RBM41: variants seen among roughly 807,000 people sequenced by gnomAD.
RBM41 encodes RNA binding motif protein 41.
RBM41 carries 14 observed loss-of-function variants against 30.8 expected under a neutral mutation model. That is an observed-to-expected ratio of 0.45 (90% CI 0.30 to 0.71). RBM41 has a LOEUF of 0.71. Ranked by LOEUF, RBM41 falls within the 30% of genes least tolerant of loss-of-function variation. The pLI is 0.08. For synonymous variants in RBM41, 120 were observed against 110.1 expected (o/e 1.09, Z -0.56); for missense variants, 276 against 326.3 (o/e 0.85, Z 1.19).
At chrX:107,114,142 C>CT (rs1308172043) in intron 4 of RBM41, among the ~76,000 whole-genome samples, 5 of 110,626 alleles carry the variant, frequency 4.5e-5, no homozygotes, top group Admixed American at 3.8e-4. Flanking sequence ...CTGCATTGAC[C>CT]TCCCTCCTTC....
In RBM41 at chrX:107,067,426, T is replaced by C; in HGVS notation, c.*101A>G. On this transcript the variant is annotated 3_prime_UTR_variant, in exon 8 of 8. Transcript: ENST00000685964. Reference sequence around the variant, plus strand: ...CTTTTTTCCCCTCCCTCAGTTAGTTTTTCCTCTTCAACTCCAAACAAACTG... The same window carrying C: ...CTTTTTTCCCCTCCCTCAGTTAGTTCTTCCTCTTCAACTCCAAACAAACTG... The C allele has an allele frequency of 9.1e-7, 1 of 1,098,212 alleles. No homozygotes were observed. Among genetic ancestry groups the C allele is most frequent in the South Asian group, 2.8e-5 (1 of 36,326 alleles). 90.5% of individuals were successfully genotyped at this position (1,098,212 alleles called of 1,213,427 possible). A position where few individuals can be genotyped will look rare whatever the true frequency, so the allele number is the denominator to read the frequency against.
rs1269079243 is a variant in RBM41, at chrX:107,063,139, A to G, written c.*4388T>C. Reference sequence around the variant, plus strand: ...AGTTGTGAAATCACCACCACGACCAATTTTAGAACACTTTCATCAACCTCT... The same window carrying G: ...AGTTGTGAAATCACCACCACGACCAGTTTTAGAACACTTTCATCAACCTCT... On this transcript the variant is annotated 3_prime_UTR_variant, in exon 8 of 8. Transcript: ENST00000685964. Among the ~76,000 whole-genome samples, 4 of 111,284 alleles carry G rather than the reference A, an allele frequency of 3.6e-5. No individual in the cohort carries two copies. Among genetic ancestry groups the G allele is most frequent in the Non-Finnish European group, 7.5e-5 (4 of 53,028 alleles).
At chrX:107,078,962 CT>C (rs1274531751) in intron 6 of RBM41, among the ~76,000 whole-genome samples, 3 of 110,040 alleles carry the variant, frequency 2.7e-5, no homozygotes, top group African/African-American at 9.9e-5. Flanking sequence ...CACTTCCTTA[CT>C]TTCTGGCACT....
At chrX:107,096,647 GA>G (rs892589038) in intron 5 of RBM41, among the ~76,000 whole-genome samples, 2 of 108,183 alleles carry the variant, frequency 1.8e-5, no homozygotes, top group Middle Eastern at 4.3e-3. Flanking sequence ...AAGTACTCCA[GA>G]AAAAAAAATA....
intron 5 of RBM41, among the ~76,000 whole-genome samples, chrX:107,103,711 TATGTTGAATTAAAGAAACCTTACACA>T (rs779606054): frequency 8.9e-6 from 1 of 111,801 alleles, no homozygotes; most frequent in Non-Finnish European, 1.9e-5. Context: ...CCAAAAACAT[TATGTTGAATTAAAGAAACCTTACACA>T]AAGAACATAT....
intron 5 of RBM41, among the ~76,000 whole-genome samples, chrX:107,094,068 T>C (rs1220490647): frequency 1.8e-5 from 2 of 111,989 alleles, no homozygotes; most frequent in Non-Finnish European, 3.8e-5. Flanking sequence ...GGTGCATTAG[T>C]ACTCAATAAA....
Position 107,088,778 on chromosome X carries a change from C to T in RBM41, c.657G>A (p.Glu219=). The change falls in exon 6 of 8, where the codon GAG becomes GAA. Residue 219 remains glutamate, a synonymous_variant. Transcript: ENST00000685964. ...CTTCAAGACGTTTTTTCATTATCAT[C>T]TCTTGGTAAAAACTTTCCAGGTTGT... ...PMNNLESFYQ[E]MIMKKRLEEF... is the part of the protein sequence containing the mutation. 1 of 1,211,342 alleles carries T rather than the reference C, an allele frequency of 8.3e-7. No individual in the cohort carries two copies. Among genetic ancestry groups the T allele is most frequent in the Non-Finnish European group, 1.1e-6 (1 of 895,408 alleles).
rs1923097558 is a variant in RBM41, at chrX:107,097,661, C to G, written c.596-8822G>C. Among the ~76,000 whole-genome samples the G allele has an allele frequency of 3.6e-5, 4 of 111,709 alleles. No individual in the cohort carries two copies. The South Asian group carries it at 1.5e-3, about 42-fold the overall frequency. On this transcript the variant is annotated intron_variant, in intron 5 of 7. Coordinates refer to ENST00000685964, the MANE Select transcript of RBM41 (RefSeq NM_001324242.2). The stretch of plus-strand genomic sequence containing the variant: ...TAAACCTCTTTCCTTTAAAAATTAT[C>G]CAGTCTCCAGTATTTCTTTATGGCA...
chrX:107,056,620 G>A, the RBM41 span, among the ~76,000 whole-genome samples: 21 of 111,166 alleles, frequency 1.9e-4, no homozygotes, highest in Non-Finnish European at 1.9e-5. Flanking sequence ...GTGTTTCTAG[G>A]AATTTGTCCA....
chrX:107,068,403 G>T (rs762327942), intron 7 of RBM41, among the ~76,000 whole-genome samples: 1 of 111,588 alleles, frequency 9.0e-6, no homozygotes, highest in African/African-American at 3.3e-5. Flanking sequence ...ACATTTTAAA[G>T]TACTTGCTTT....
intron 5 of RBM41, chrX:107,112,866 G>A (rs1345304730): frequency 3.6e-5 from 12 of 329,277 alleles, no homozygotes; most frequent in South Asian, 3.2e-4. Context: ...TGATTGTCAG[G>A]AATTATGGTG....
At chrX:107,105,737 T>C (rs1321655751) in intron 5 of RBM41, among the ~76,000 whole-genome samples, 1 of 111,521 alleles carries the variant, frequency 9.0e-6, no homozygotes, top group Non-Finnish European at 1.9e-5. Context: ...ATCTGATCTT[T>C]GACAAACCTG....
downstream of RBM41, among the ~76,000 whole-genome samples, chrX:107,059,879 A>G (rs763511851): frequency 1.8e-5 from 2 of 111,891 alleles, no homozygotes; most frequent in Non-Finnish European, 3.8e-5. Context: ...ACATTCTGAC[A>G]GGTTAAAAAA....
Position 107,077,161 on chromosome X carries a change from C to T in RBM41, c.1000-7759G>A, listed in dbSNP as rs566025857. 3.0e-4 allele frequency among the ~76,000 whole-genome samples: 34 copies of T among 111,562 alleles called. 1 individual carries two copies. The South Asian group carries it at 7.9e-3, about 26-fold the overall frequency. On this transcript the variant is annotated intron_variant, in intron 6 of 7. Transcript: ENST00000685964. ...TATGAATTTTTTTGAGACAGAGTTTCGCTCTTGTTGCCCAAGCTGGAGTGC... is the reference window on the plus strand; with the variant it reads ...TATGAATTTTTTTGAGACAGAGTTTTGCTCTTGTTGCCCAAGCTGGAGTGC...
rs6616628 is a variant in RBM41 at position 107,103,551 on chromosome X, G to T, written c.595+9846C>A. On this transcript the variant is annotated intron_variant, in intron 5 of 7. Coordinates refer to ENST00000685964, the MANE Select transcript of RBM41 (RefSeq NM_001324242.2). ...CTTCTAGCCTCCAGAACTGTGGAGAGGATAAATTTCTGTTGTTCTAAGCCA... is the reference window on the plus strand; with the variant it reads ...CTTCTAGCCTCCAGAACTGTGGAGATGATAAATTTCTGTTGTTCTAAGCCA... 6.5e-4 allele frequency among the ~76,000 whole-genome samples: 72 copies of T among 110,262 alleles called. No homozygotes were observed. The South Asian group carries it at 0.024, about 36-fold the overall frequency.
chrX:107,106,375 G>A, intron 5 of RBM41, among the ~76,000 whole-genome samples: 1 of 111,537 alleles, frequency 9.0e-6, no homozygotes, highest in Non-Finnish European at 1.9e-5. Flanking sequence ...AACAACAGGT[G>A]CTGGAGAGGA....
intron 6 of RBM41, among the ~76,000 whole-genome samples, chrX:107,083,028 C>T (rs958343372): frequency 9.0e-6 from 1 of 110,732 alleles, no homozygotes; most frequent in African/African-American, 3.3e-5. Context: ...GAGTTTCTGA[C>T]CTATATAATT....
chrX:107,056,811 CT>C, the RBM41 span, among the ~76,000 whole-genome samples: 4,650 of 97,057 alleles, frequency 0.048, 301 homozygotes, highest in African/African-American at 0.16. Context: ...CTCAAATAAT[CT>C]TTTTTTTTTT....
intron 6 of RBM41, among the ~76,000 whole-genome samples, chrX:107,085,633 T>G (rs931585111): frequency 7.1e-5 from 8 of 111,940 alleles, no homozygotes; most frequent in African/African-American, 2.6e-4. Flanking sequence ...TAAATGTATA[T>G]ATCATAGTAT....
Sources: allele counts gnomAD v4.1 joint callset (sites outside exome capture counted in the v4.1 genomes callset), GRCh38; gene constraint gnomAD v4.1.1; transcripts MANE v1.5; gene names NCBI Gene and HGNC (gene_info 2026-07-23, HGNC 2026-07-21).